The following PCCA variants were observed in gnomAD, a reference collection of about 807,000 sequenced individuals.
PCCA encodes the protein propionyl-CoA carboxylase alpha chain, mitochondrial.
In PCCA, 74 loss-of-function variants were observed where a neutral mutation model predicts 101.3. The observed-to-expected ratio is 0.73, with a 90% CI of 0.61 to 0.89. The LOEUF is 0.89. PCCA is among the 40% of genes least tolerant of loss of function. The pLI, the probability that PCCA is intolerant of heterozygous loss-of-function variation, is 0.00. For synonymous variants in PCCA, 294 were observed against 313.6 expected (o/e 0.94, Z 0.66); for missense variants, 891 against 907.0 (o/e 0.98, Z 0.23).
At chr13:100,166,521 A>C (rs573693817) in intron 6 of PCCA, among the ~76,000 whole-genome samples, 2 of 151,726 alleles carry the variant, frequency 1.3e-5, no homozygotes, top group South Asian at 2.1e-4. Flanking sequence ...CTGGTTTCGA[A>C]CTCCTGGCCT....
chr13:100,227,824 A>T (rs1052685820), intron 7 of PCCA, among the ~76,000 whole-genome samples: 1 of 152,198 alleles, frequency 6.6e-6, no homozygotes. Context: ...ATTGGAAACC[A>T]TCAGGAATAC....
At chr13:100,278,776 C>A (rs1354355476) in intron 12 of PCCA, among the ~76,000 whole-genome samples, 3 of 152,132 alleles carry the variant, frequency 2.0e-5, no homozygotes, top group Admixed American at 6.5e-5. Flanking sequence ...CCGTGCCCAT[C>A]CTGTAGTTGA....
chr13:100,320,813 A>G (rs1437441686), intron 16 of PCCA, among the ~76,000 whole-genome samples: 1 of 152,170 alleles, frequency 6.6e-6, no homozygotes, highest in Admixed American at 6.5e-5. Context: ...GTGCAGTGGC[A>G]CAATTATAGC....
At chr13:100,213,522 A>G (rs9585382) in intron 7 of PCCA, among the ~76,000 whole-genome samples, 25,987 of 152,162 alleles carry the variant, frequency 0.17, 2,413 homozygotes, top group African/African-American at 0.2. Flanking sequence ...TAACATTTGT[A>G]TGTCTTCTTT....
intron 6 of PCCA, among the ~76,000 whole-genome samples, chr13:100,186,358 C>T (rs935532598): frequency 6.6e-6 from 1 of 152,010 alleles, no homozygotes; most frequent in African/African-American, 2.4e-5. Context: ...AATATGGCCA[C>T]GAGAAAGATT....
chr13:100,476,656 T>A (rs2083441058), intron 21 of PCCA, among the ~76,000 whole-genome samples: 1 of 152,222 alleles, frequency 6.6e-6, no homozygotes, highest in Non-Finnish European at 1.5e-5. Flanking sequence ...CCAGGTATTG[T>A]GGAAATGGAC....
intron 6 of PCCA, among the ~76,000 whole-genome samples, chr13:100,165,425 C>T (rs1213364601): frequency 2.0e-5 from 3 of 152,088 alleles, no homozygotes; most frequent in Non-Finnish European, 4.4e-5. Flanking sequence ...TCTTCCTAAC[C>T]AATATGTTTA....
chr13:100,257,929 A>T (rs1246678322), intron 9 of PCCA, among the ~76,000 whole-genome samples: 2 of 152,148 alleles, frequency 1.3e-5, no homozygotes, highest in African/African-American at 4.8e-5. Context: ...TTTTTACCGT[A>T]TATTTTTAAA....
chr13:100,526,835 C>T (rs1462872432), intron 22 of PCCA, among the ~76,000 whole-genome samples: 1 of 152,274 alleles, frequency 6.6e-6, no homozygotes, highest in Non-Finnish European at 1.5e-5. Context: ...TAACCCAGCT[C>T]AGCCTGGCTG....
At chr13:100,300,379 A>G (rs1230195524) in intron 12 of PCCA, among the ~76,000 whole-genome samples, 3 of 152,074 alleles carry the variant, frequency 2.0e-5, no homozygotes, top group African/African-American at 7.2e-5. Context: ...TTGTCTGCTT[A>G]TGATAAGCTT....
At chr13:100,207,221 T>C (rs2058912190) in intron 6 of PCCA, among the ~76,000 whole-genome samples, 1 of 152,162 alleles carries the variant, frequency 6.6e-6, no homozygotes, top group East Asian at 1.9e-4. Context: ...TCAGATATTA[T>C]CCACATTGTC....
At chr13:100,351,342 A>T (rs2073245326) in intron 18 of PCCA, among the ~76,000 whole-genome samples, 2 of 152,188 alleles carry the variant, frequency 1.3e-5, no homozygotes, top group African/African-American at 4.8e-5. Context: ...TGTCAGTGAG[A>T]TAAGTAAAAA....
chr13:100,384,713 G>A (rs1395577064), intron 19 of PCCA, among the ~76,000 whole-genome samples: 1 of 152,072 alleles, frequency 6.6e-6, no homozygotes, highest in Non-Finnish European at 1.5e-5. Flanking sequence ...TCTTGAACAT[G>A]AAAAGGACAT....
At chr13:100,097,485 C>T (rs572633685) in intron 1 of PCCA, among the ~76,000 whole-genome samples, 12 of 152,090 alleles carry the variant, frequency 7.9e-5, no homozygotes, top group South Asian at 4.2e-4. Flanking sequence ...TTTGGGAGGC[C>T]GAGGCAGGTG....
intron 10 of PCCA, 174 bp from the exon 11 acceptor site, chr13:100,268,515 T>A (rs2063091568): frequency 1.4e-6 from 1 of 698,368 alleles, no homozygotes; most frequent in Non-Finnish European, 2.6e-6. Context: ...AGCTTTGGAG[T>A]AATAAATATA....
At chr13:100,089,512 G>A (rs2046081842) in intron 1 of PCCA, among the ~76,000 whole-genome samples, 1 of 152,348 alleles carries the variant, frequency 6.6e-6, no homozygotes, top group Non-Finnish European at 1.5e-5. Flanking sequence ...GATGGCTTTG[G>A]GCAGGCATAT....
At chr13:100,341,637 GAT>G (rs913926693) in intron 18 of PCCA, among the ~76,000 whole-genome samples, 5 of 152,136 alleles carry the variant, frequency 3.3e-5, no homozygotes, top group African/African-American at 7.2e-5. Context: ...TGTCTGGAGG[GAT>G]ATGTGTGTAG....
chr13:100,205,228 T>G (rs935269037), intron 6 of PCCA, among the ~76,000 whole-genome samples: 1 of 152,206 alleles, frequency 6.6e-6, no homozygotes, highest in Non-Finnish European at 1.5e-5. Flanking sequence ...CCTTTTATTC[T>G]AAGTCACACC....
intron 1 of PCCA, among the ~76,000 whole-genome samples, chr13:100,095,358 G>A (rs936825086): frequency 6.6e-6 from 1 of 152,194 alleles, no homozygotes; most frequent in African/African-American, 2.4e-5. Flanking sequence ...CCTACACGTA[G>A]TATGTGTCAG....
Sources: allele counts gnomAD v4.1 joint callset (sites outside exome capture counted in the v4.1 genomes callset), GRCh38; gene constraint gnomAD v4.1.1; transcripts MANE v1.5; gene names NCBI Gene and HGNC (gene_info 2026-07-23, HGNC 2026-07-21).